The following CD48 variants were observed in gnomAD, a reference collection of about 807,000 sequenced individuals.
CD48 encodes the protein CD48 antigen.
CD48 carries 20 observed loss-of-function variants against 22.0 expected under a neutral mutation model. The observed-to-expected ratio is 0.91, with a 90% CI of 0.64 to 1.32. The LOEUF (loss-of-function observed/expected upper bound fraction) is 1.32, where lower values mean the gene tolerates loss of function less well. CD48 is among the 40% of genes most tolerant of loss of function. CD48 has a pLI of 0.00. For missense variants in CD48, 307 were observed against 286.5 expected (o/e 1.07, Z -0.52); for synonymous variants, 110 against 110.1 (o/e 1.00, Z 0.01).
chr1:160,692,579 T>G (rs573969708), intron 1 of CD48, among the ~76,000 whole-genome samples: 99 of 152,116 alleles, frequency 6.5e-4, no homozygotes, highest in Middle Eastern at 6.8e-3. Flanking sequence ...TATGGATATC[T>G]AGGAATGCCC....
chr1:160,689,547 T>A (rs929182791), intron 1 of CD48, among the ~76,000 whole-genome samples: 6 of 152,020 alleles, frequency 3.9e-5, no homozygotes, highest in Non-Finnish European at 8.8e-5. Context: ...ATAGAAATGG[T>A]GAGATTTTTA....
intron 1 of CD48, among the ~76,000 whole-genome samples, chr1:160,702,222 A>G (rs1662652955): frequency 6.6e-6 from 1 of 152,152 alleles, no homozygotes; most frequent in Admixed American, 6.5e-5. Flanking sequence ...CCCCGTGGGG[A>G]CAATCAAAGG....
chr1:160,702,526 C>T (rs944725507), intron 1 of CD48, among the ~76,000 whole-genome samples: 7 of 152,122 alleles, frequency 4.6e-5, no homozygotes, highest in East Asian at 3.8e-4. Context: ...ATACCTAGAG[C>T]GGCAAACATT....
chr1:160,711,758 G>A lies in CD48; in HGVS notation c.6C>T (p.Cys2=), dbSNP rs144643747. The A allele has an allele frequency of 2.5e-6, 4 of 1,612,478 alleles. No individual in the cohort carries two copies. In the African/African-American group the frequency reaches 4.0e-5, roughly 16 times the overall value. Residue 2 remains cysteine (C), a synonymous_variant, in exon 1 of 4, where the codon TGC becomes TGT. Coordinates refer to ENST00000368046, the MANE Select transcript of CD48 (RefSeq NM_001778.4). ...CCAGACACGAATCCCAACCTCTGGAGCACATGCTTCCTTCCAGAACTTCCC... is the reference window on the plus strand; with the variant it reads ...CCAGACACGAATCCCAACCTCTGGAACACATGCTTCCTTCCAGAACTTCCC... The part of the protein sequence containing the change: M[C]SRGWDSCLAL...
chr1:160,692,133 A>G (rs1342984910), intron 1 of CD48: 1 of 152,904 alleles, frequency 6.5e-6, no homozygotes, highest in Non-Finnish European at 1.5e-5. Context: ...CACTTACAGT[A>G]TGGAATGATT....
intron 1 of CD48, among the ~76,000 whole-genome samples, chr1:160,705,110 C>G (rs1455420515): frequency 6.6e-6 from 1 of 152,170 alleles, no homozygotes. Flanking sequence ...TCCATCATTT[C>G]CAAAAACATT....
intron 1 of CD48, among the ~76,000 whole-genome samples, chr1:160,704,338 T>C (rs1284410723): frequency 2.6e-5 from 4 of 152,248 alleles, no homozygotes; most frequent in Non-Finnish European, 5.9e-5. Flanking sequence ...ATCTCAGTTA[T>C]GGGCATTTTG....
intron 1 of CD48, among the ~76,000 whole-genome samples, chr1:160,704,767 T>C (rs753215134): frequency 3.3e-5 from 5 of 152,208 alleles, no homozygotes; most frequent in Non-Finnish European, 5.9e-5. Flanking sequence ...CTATTTGTAT[T>C]TCCAGTTTTG....
intron 1 of CD48, among the ~76,000 whole-genome samples, chr1:160,694,010 C>T (rs1034050669): frequency 2.0e-5 from 3 of 152,198 alleles, no homozygotes; most frequent in Non-Finnish European, 4.4e-5. Flanking sequence ...ACAAAAAATC[C>T]CCACAGGAGT....
intron 1 of CD48, among the ~76,000 whole-genome samples, chr1:160,705,827 C>T (rs1047459205): frequency 6.6e-6 from 1 of 152,106 alleles, no homozygotes; most frequent in Admixed American, 6.5e-5. Flanking sequence ...AAGATGTTTG[C>T]CAGCATTCCT....
rs149164594 is a variant in CD48 at position 160,685,164 on chromosome 1, G to C, written c.108C>G (p.Val36=). Residue 36 remains valine (V), a synonymous_variant, in exon 2 of 4, where the codon GTC becomes GTG. Coordinates refer to ENST00000368046, the MANE Select transcript of CD48 (RefSeq NM_001778.4). ...TGTTCAGAGTCACGTTGCTGCCGGA[G>C]ACCACGGTCATATGTACCAAGTGAC... ...IQGHLVHMTV[V]SGSNVTLNIS... is the part of the protein sequence containing the mutation. 27 of 1,610,990 alleles carry C rather than the reference G, an allele frequency of 1.7e-5. No individual in the cohort carries two copies. The highest frequency in any genetic ancestry group is 2.2e-5 in the Non-Finnish European group (26 of 1,177,616).
intron 1 of CD48, among the ~76,000 whole-genome samples, chr1:160,701,611 C>G (rs1177525063): frequency 6.6e-6 from 1 of 152,070 alleles, no homozygotes; most frequent in Non-Finnish European, 1.5e-5. Context: ...TGACTGGGAG[C>G]ACTAGAAGAG....
At chr1:160,702,989 G>T (rs758820180) in intron 1 of CD48, among the ~76,000 whole-genome samples, 3 of 152,086 alleles carry the variant, frequency 2.0e-5, no homozygotes, top group Non-Finnish European at 4.4e-5. Flanking sequence ...GTTTAACTAT[G>T]GTAAAAGGAA....
rs1051279467 is a variant in CD48 at position 160,680,844 on chromosome 1, G to A, written c.652+358C>T. 8.0e-5 allele frequency: 104 copies of A among 1,301,996 alleles called. No individual in the cohort carries two copies. In the East Asian group the frequency reaches 1.9e-3, roughly 23 times the overall value. 80.7% of individuals were successfully genotyped at this position (1,301,996 alleles called of 1,614,324 possible). ...ATGAAGCCCCTCTAGACAGCTGCTC[G>A]CCCACTTGCCCTTCCTTCTCCCTGC... On this transcript the variant is annotated intron_variant, in intron 3 of 3. Coordinates refer to ENST00000368046, the MANE Select transcript of CD48 (RefSeq NM_001778.4).
chr1:160,693,174 T>C (rs1025785659), intron 1 of CD48, among the ~76,000 whole-genome samples: 1 of 151,684 alleles, frequency 6.6e-6, no homozygotes, highest in South Asian at 2.1e-4. Context: ...TGGGAAAAAA[T>C]CCAAGACCCA....
chr1:160,711,568 C>T lies in CD48; in HGVS notation c.82+114G>A, dbSNP rs1226133052. 7.8e-6 allele frequency: 6 copies of T among 770,494 alleles called. No individual in the cohort carries two copies. In the Admixed American group the frequency reaches 8.3e-5, roughly 11 times the overall value. 47.7% of individuals were successfully genotyped at this position (770,494 alleles called of 1,614,324 possible). ...GGCCATGCTATTGGAATGGAAATAC[C>T]TGCTTTCCAGACACCAGATCTGGCT... On this transcript the variant is annotated intron_variant, in intron 1 of 3. Transcript: ENST00000368046.
intron 1 of CD48, among the ~76,000 whole-genome samples, chr1:160,700,152 G>A (rs1423239335): frequency 6.6e-6 from 1 of 152,252 alleles, no homozygotes; most frequent in Non-Finnish European, 1.5e-5. Flanking sequence ...TGCCATTACT[G>A]GAGCCATCAG....
At chr1:160,700,934 C>T (rs1662610177) in intron 1 of CD48, among the ~76,000 whole-genome samples, 2 of 151,954 alleles carry the variant, frequency 1.3e-5, no homozygotes. Context: ...TGGTAACAGT[C>T]AATTCTTTAT....
intron 1 of CD48, among the ~76,000 whole-genome samples, chr1:160,700,680 C>T (rs899916069): frequency 6.6e-6 from 1 of 152,088 alleles, no homozygotes; most frequent in Non-Finnish European, 1.5e-5. Flanking sequence ...CTCCCCGCAA[C>T]ATAGAAATCA....
Sources: gnomAD v4.1 joint callset for allele counts (sites outside exome capture counted in the v4.1 genomes callset) on GRCh38, gnomAD v4.1.1 for gene constraint, MANE v1.5 for transcripts, NCBI Gene and HGNC (gene_info 2026-07-23, HGNC 2026-07-21) for gene names.